ANO10: variants seen among roughly 807,000 people sequenced by gnomAD.
The protein encoded by ANO10 is anoctamin 10.
In ANO10, 77 loss-of-function variants were observed where a neutral mutation model predicts 74.7. That is an observed-to-expected ratio of 1.03 (90% confidence interval 0.86 to 1.25). The LOEUF is 1.25. Ranked by LOEUF, ANO10 falls within the 50% of genes most tolerant of loss-of-function variation. The pLI is 0.00. For synonymous variants in ANO10, 279 were observed against 284.9 expected (o/e 0.98, Z 0.21); for missense variants, 721 against 778.1 (o/e 0.93, Z 0.87).
intron 11 of ANO10, among the ~76,000 whole-genome samples, chr3:43,490,254 C>G (rs559149303): frequency 4.5e-4 from 68 of 152,306 alleles, no homozygotes; most frequent in African/African-American, 1.5e-3. Context: ...TACGCCACAA[C>G]AAAAGTCTTG....
intron 1 of ANO10, among the ~76,000 whole-genome samples, chr3:43,648,374 C>T (rs563982558): frequency 1.4e-4 from 21 of 152,054 alleles, no homozygotes; most frequent in South Asian, 4.2e-4. Flanking sequence ...GAGTTCAGGG[C>T]GAGTCCATAG....
chr3:43,434,830 G>A (rs933637795), intron 11 of ANO10, among the ~76,000 whole-genome samples: 3 of 152,100 alleles, frequency 2.0e-5, no homozygotes, highest in Non-Finnish European at 4.4e-5. Flanking sequence ...AAATTCTCAT[G>A]AATTGAAAAA....
At chr3:43,594,588 A>T (rs996986594) in intron 4 of ANO10, among the ~76,000 whole-genome samples, 1 of 152,206 alleles carries the variant, frequency 6.6e-6, no homozygotes, top group African/African-American at 2.4e-5. Context: ...AACATACCAG[A>T]ATCTCTGGGA....
At chr3:43,439,583 T>A (rs1157260844) in intron 11 of ANO10, among the ~76,000 whole-genome samples, 2 of 152,052 alleles carry the variant, frequency 1.3e-5, no homozygotes, top group South Asian at 4.1e-4. Flanking sequence ...AGAATACCAA[T>A]GGATCAAAAA....
intron 11 of ANO10, among the ~76,000 whole-genome samples, chr3:43,505,640 A>G (rs2077267009): frequency 6.6e-6 from 1 of 152,178 alleles, no homozygotes; most frequent in Non-Finnish European, 1.5e-5. Flanking sequence ...GAACCAAAAC[A>G]CTGTCATTTT....
At chr3:43,577,611 CACTGA>C (rs1362006590) in intron 5 of ANO10, among the ~76,000 whole-genome samples, 1 of 152,150 alleles carries the variant, frequency 6.6e-6, no homozygotes, top group Non-Finnish European at 1.5e-5. Flanking sequence ...CAGCCATGTC[CACTGA>C]ACATTAATTT....
chr3:43,433,420 T>G (rs2093021138), intron 11 of ANO10, among the ~76,000 whole-genome samples: 1 of 152,196 alleles, frequency 6.6e-6, no homozygotes, highest in Admixed American at 6.5e-5. Flanking sequence ...GTCCCTGTGC[T>G]GCACTTCAGT....
At chr3:43,674,298 C>A (rs1210738926) in intron 1 of ANO10, among the ~76,000 whole-genome samples, 1 of 152,176 alleles carries the variant, frequency 6.6e-6, no homozygotes, top group Non-Finnish European at 1.5e-5. Context: ...CATCACCATA[C>A]ACAGCTAATT....
At chr3:43,577,291 T>C in intron 5 of ANO10, 30 bp from the exon 6 acceptor site, 3 of 1,591,632 alleles carry the variant, frequency 1.9e-6, no homozygotes, top group Non-Finnish European at 2.6e-6. Context: ...AGAACATAAG[T>C]ATAGACTACC....
At chr3:43,372,536 C>G (rs566501822) in intron 12 of ANO10, among the ~76,000 whole-genome samples, 42 of 152,356 alleles carry the variant, frequency 2.8e-4, no homozygotes, top group Non-Finnish European at 5.0e-4. Context: ...CCAGGCTTGC[C>G]TGCCCTGCCT....
intron 12 of ANO10, among the ~76,000 whole-genome samples, chr3:43,428,283 C>T (rs1196560194): frequency 6.6e-6 from 1 of 152,066 alleles, no homozygotes; most frequent in African/African-American, 2.4e-5. Flanking sequence ...CTCCTGACCT[C>T]AACTGATCCA....
rs2079380122 is a variant in ANO10 at position 43,549,862 on chromosome 3, G to T, written c.1669-14C>A. 6.2e-7 allele frequency: 1 copy of T among 1,613,202 alleles called. No individual in the cohort carries two copies. The highest frequency in any genetic ancestry group is 8.5e-7 in the Non-Finnish European group (1 of 1,179,558). On this transcript the variant is annotated splice_polypyrimidine_tract_variant and intron_variant, in intron 10 of 12. Transcript: ENST00000292246. ...TTCAAAAGCCAACTAAAAGAAAAAA[G>T]AATGGAAATTAAAAATTGCAATGAC...
rs1419900834 is a variant in ANO10, at chr3:43,477,437, C to T, written c.1798-44710G>A. The stretch of plus-strand genomic sequence containing the variant: ...GGTATGGACAGAAAATGAAGCAAGA[C>T]GTACTCCATCTATTACCTTCCATTT... On this transcript the variant is annotated intron_variant, in intron 11 of 12. Transcript: ENST00000292246. Among the ~76,000 whole-genome samples, 6 of 152,278 alleles carry T rather than the reference C, an allele frequency of 3.9e-5. No individual in the cohort carries two copies. The Middle Eastern group carries it at 0.01, about 259-fold the overall frequency.
At chr3:43,506,442 C>T (rs2077296859) in intron 11 of ANO10, among the ~76,000 whole-genome samples, 1 of 152,198 alleles carries the variant, frequency 6.6e-6, no homozygotes, top group South Asian at 2.1e-4. Context: ...GTGCATTTTA[C>T]AGTCAACAGA....
At chr3:43,422,990 T>C (rs1388906579) in intron 12 of ANO10, among the ~76,000 whole-genome samples, 1 of 152,200 alleles carries the variant, frequency 6.6e-6, no homozygotes, top group Non-Finnish European at 1.5e-5. Context: ...GAATTAGTTT[T>C]CTAGCTAACA....
chr3:43,454,248 G>A (rs538347864), intron 11 of ANO10, among the ~76,000 whole-genome samples: 1 of 152,170 alleles, frequency 6.6e-6, no homozygotes, highest in Non-Finnish European at 1.5e-5. Context: ...AACGTTGAGA[G>A]GAGTTGATGA....
chr3:43,647,444 C>T (rs77092826), intron 1 of ANO10, among the ~76,000 whole-genome samples: 1 of 152,046 alleles, frequency 6.6e-6, no homozygotes, highest in East Asian at 1.9e-4. Context: ...TGAATTCACC[C>T]TCCTCCCACA....
At chr3:43,453,100 A>G (rs1338550577) in intron 11 of ANO10, among the ~76,000 whole-genome samples, 1 of 151,800 alleles carries the variant, frequency 6.6e-6, no homozygotes, top group Non-Finnish European at 1.5e-5. Context: ...ATTTGCAAAT[A>G]TCTGCAACCT....
intron 11 of ANO10, among the ~76,000 whole-genome samples, chr3:43,542,308 A>C (rs896025372): frequency 6.6e-6 from 1 of 152,132 alleles, no homozygotes; most frequent in Non-Finnish European, 1.5e-5. Context: ...AGAGGGAGGG[A>C]GGGCTAGGCT....
Sources: allele counts gnomAD v4.1 joint callset (sites outside exome capture counted in the v4.1 genomes callset), GRCh38; gene constraint gnomAD v4.1.1; transcripts MANE v1.5; gene names NCBI Gene and HGNC (gene_info 2026-07-23, HGNC 2026-07-21).